The following MCM6 variants were observed in gnomAD, a reference collection of about 807,000 sequenced individuals.
The protein encoded by MCM6 is minichromosome maintenance complex component 6.
A neutral mutation model predicts 94.3 loss-of-function variants in MCM6; 46 were observed. The ratio of observed to expected loss-of-function variants is 0.49; its 90% CI spans 0.39 to 0.62. The LOEUF is 0.62. Ranked by LOEUF, MCM6 falls within the 20% of genes least tolerant of loss-of-function variation. The probability of loss-of-function intolerance (pLI) is 0.00; values close to 1 mark genes in which losing one functional copy is unlikely to be tolerated. For synonymous variants in MCM6, 335 were observed against 351.9 expected, an observed-to-expected ratio of 0.95 and a Z score of 0.54; for missense variants, 865 against 1,017.9, an observed-to-expected ratio of 0.85 and a Z score of 2.04.
chr2:135,856,530 A>T (rs964347926), intron 11 of MCM6, among the ~76,000 whole-genome samples, 198 bp downstream of exon 11: 3 of 152,228 alleles, frequency 2.0e-5, no homozygotes, highest in African/African-American at 7.2e-5. Flanking sequence ...TAATTCTTGA[A>T]CACAATTAAG....
In MCM6 at chr2:135,848,206, A is replaced by G. The variant is rs1256638909; in HGVS notation, c.1918-18T>C. 1 of 1,578,816 alleles carries G rather than the reference A, an allele frequency of 6.3e-7. No homozygotes were observed. The highest frequency in any genetic ancestry group is 8.7e-7 in the Non-Finnish European group (1 of 1,151,448). The stretch of plus-strand genomic sequence containing the variant: ...GGTTGGACCTAAACCAATAATGATG[A>G]AGTAATTAAGCTACTTTTTTTGATA... On this transcript the variant is annotated intron_variant, in intron 13 of 16. Coordinates refer to ENST00000264156, the MANE Select transcript of MCM6 (RefSeq NM_005915.6).
chr2:135,865,159 C>T lies in MCM6; in HGVS notation c.932G>A (p.Gly311Glu), dbSNP rs777176942. 1 of 1,517,184 alleles carries T rather than the reference C, an allele frequency of 6.6e-7. No individual in the cohort carries two copies. The highest frequency in any genetic ancestry group is 2.2e-5 in the Admixed American group (1 of 46,158). 94.0% of individuals were successfully genotyped at this position (1,517,184 alleles called of 1,614,324 possible). ...CCVAPTNPRF[G>E]GKELRDEEQT... Reference sequence around the variant, plus strand: ...TTCCTCATCTCTGAGCTCTTTCCCCCCAAACTAATGGTAGAGAACAAAGGA... The same window carrying T: ...TTCCTCATCTCTGAGCTCTTTCCCCTCAAACTAATGGTAGAGAACAAAGGA... Residue 311 changes from glycine to glutamate, a missense_variant, in exon 7 of 17, where the codon GGG (glycine) becomes GAG (glutamate). Physicochemically the swap from Gly to Glu is moderately conservative, Grantham distance 98 (BLOSUM62 -2). Transcript: ENST00000264156.
chr2:135,847,662 C>T (rs1050495876), intron 14 of MCM6, among the ~76,000 whole-genome samples: 2 of 152,300 alleles, frequency 1.3e-5, no homozygotes, highest in African/African-American at 4.8e-5. Context: ...CTCCCGGGTT[C>T]AAGTGATTCT....
chr2:135,861,405 G>A (rs1388834717), intron 8 of MCM6, among the ~76,000 whole-genome samples: 1 of 152,112 alleles, frequency 6.6e-6, no homozygotes, highest in African/African-American at 2.4e-5. Context: ...GGTGCTGCTA[G>A]AGTAAGACAT....
At chr2:135,859,726 C>A (rs139077381) in intron 8 of MCM6, among the ~76,000 whole-genome samples, 6 of 152,202 alleles carry the variant, frequency 3.9e-5, no homozygotes, top group African/African-American at 1.4e-4. Context: ...CCTCAGCCTC[C>A]CGAGTAGCTA....
At chr2:135,847,322 G>T (rs946182861) in intron 14 of MCM6, among the ~76,000 whole-genome samples, 2 of 152,256 alleles carry the variant, frequency 1.3e-5, no homozygotes, top group Admixed American at 1.3e-4. Context: ...AGGATAGGGA[G>T]AAGGACTGCT....
rs1575360834 is a variant in MCM6, at chr2:135,853,020, C to G, written c.1627-105G>C. The G allele has an allele frequency of 6.9e-6, 7 of 1,018,872 alleles. No homozygotes were observed. The East Asian group carries it at 1.4e-4, about 20-fold the overall frequency. 63.1% of individuals were successfully genotyped at this position (1,018,872 alleles called of 1,614,324 possible). ...ATCGCCAAAAACAAGCTCTAATATACCACTTAAAGAAGTATTAATGGGTAC... is the reference window on the plus strand; with the variant it reads ...ATCGCCAAAAACAAGCTCTAATATAGCACTTAAAGAAGTATTAATGGGTAC... On this transcript the variant is annotated intron_variant, in intron 11 of 16. Coordinates refer to ENST00000264156, the MANE Select transcript of MCM6 (RefSeq NM_005915.6).
chr2:135,842,017 A>G (rs1418263654), intron 16 of MCM6, among the ~76,000 whole-genome samples: 1 of 152,174 alleles, frequency 6.6e-6, no homozygotes, highest in South Asian at 2.1e-4. Flanking sequence ...AGATAAGAGA[A>G]TCATTTAAAC....
At position 135,866,142 on chromosome 2, in the gene MCM6, G is replaced by C. The variant is rs372422308; in HGVS notation, c.917C>G (p.Thr306Ser). The stretch of plus-strand genomic sequence containing the variant: ...CCCAAAACGACTGACCCTTGGGTTG[G>C]TTGGCGCAACACAGCAGGCAAGAAA... The part of the protein sequence containing the change: ...LVFLACCVAP[T>S]NPRFGGKELR... The change falls in exon 6 of 17, where the codon ACC becomes AGC. Residue 306 changes from threonine (T) to serine (S), a missense_variant. Thr to Ser is a moderately conservative substitution (Grantham distance 58). Around this residue, in one of 3 missense-constraint regions of MCM6, gnomAD observed 404 missense variants for 451.9 expected, o/e 0.89. Transcript: ENST00000264156. The C allele has an allele frequency of 1.9e-6, 3 of 1,613,950 alleles. No homozygotes were observed. In the African/African-American group the frequency reaches 4.0e-5, roughly 22 times the overall value.
chr2:135,859,605 GCTTTT>G (rs1679949730), intron 8 of MCM6, among the ~76,000 whole-genome samples, 163 bp from the exon 9 acceptor site: 2 of 151,692 alleles, frequency 1.3e-5, no homozygotes, highest in Admixed American at 6.6e-5. Context: ...CTCTCCCTCG[GCTTTT>G]CTTTTTTTTT....
intron 13 of MCM6, 122 bp from the exon 14 acceptor site, chr2:135,848,310 GTTGCT>G: frequency 1.6e-6 from 1 of 606,364 alleles, no homozygotes. Context: ...CTCTCACAGT[GTTGCT>G]TTGGTTTTCT....
intron 15 of MCM6, 27 bp downstream of exon 15, chr2:135,846,210 A>AT: frequency 6.2e-7 from 1 of 1,611,178 alleles, no homozygotes; most frequent in Non-Finnish European, 8.5e-7. Flanking sequence ...GTGACCGAGC[A>AT]TGTAAGCAGT....
Position 135,868,658 on chromosome 2 carries a change from T to G in MCM6, c.568A>C (p.Arg190=). 6.2e-7 allele frequency: 1 copy of G among 1,614,142 alleles called. No homozygotes were observed. The highest frequency in any genetic ancestry group is 1.1e-5 in the South Asian group (1 of 91,074). Residue 190 remains arginine (R), a synonymous_variant, in exon 4 of 17, where the codon AGA becomes CGA. Transcript: ENST00000264156. ...GATTTATTTGTATCCAGTAAGAATC[T>G]CCTCCTGTTGGCACAAACTGGATTT... is the stretch of plus-strand genomic sequence containing the variant. ...CRNPVCANRR[R]FLLDTNKSRF...
intron 11 of MCM6, 83 bp from the exon 12 acceptor site, chr2:135,852,998 G>A (rs754980990): frequency 2.2e-5 from 28 of 1,277,860 alleles, no homozygotes; most frequent in African/African-American, 1.1e-4. Flanking sequence ...ATGATTTATC[G>A]CCAAAAACAA....
chr2:135,854,561 A>AGG (rs145432617), intron 11 of MCM6, among the ~76,000 whole-genome samples: 17,941 of 134,736 alleles, frequency 0.13, 1,700 homozygotes, highest in Middle Eastern at 0.27. Flanking sequence ...AGAGAAAAAG[A>AGG]AAAAGAAAAA....
chr2:135,848,388 A>G (rs1679709389), intron 13 of MCM6, among the ~76,000 whole-genome samples, 200 bp from the exon 14 acceptor site: 1 of 152,188 alleles, frequency 6.6e-6, no homozygotes, highest in Non-Finnish European at 1.5e-5. Context: ...AATTCACCAG[A>G]ATGGCTAAAA....
intron 14 of MCM6, 57 bp downstream of exon 14, chr2:135,847,996 T>G: frequency 7.1e-7 from 1 of 1,414,722 alleles, no homozygotes; most frequent in Non-Finnish European, 9.9e-7. Flanking sequence ...CCACATGACA[T>G]CTCAGAAAAT....
Position 135,844,474 on chromosome 2 carries a change from G to C in MCM6, c.2349+71C>G, listed in dbSNP as rs111749572. The C allele has an allele frequency of 1.1e-4, 143 of 1,329,062 alleles. 1 individual carries two copies. In the African/African-American group the frequency reaches 1.9e-3, roughly 18 times the overall value. The allele number at this position is 1,329,062 out of a possible 1,614,324, so 82.3% of individuals were successfully genotyped here. A position where few individuals can be genotyped will look rare whatever the true frequency, so the allele number is the denominator to read the frequency against. On this transcript the variant is annotated intron_variant, in intron 16 of 16. Transcript: ENST00000264156. ...ACAAAGGTCAAAAAAAATTTCACTA[G>C]TGAACCTGCAGATACAGGGCATGAA...
chr2:135,850,954 C>G (rs1394933466), intron 13 of MCM6, among the ~76,000 whole-genome samples: 2 of 152,172 alleles, frequency 1.3e-5, no homozygotes, highest in Non-Finnish European at 2.9e-5. Context: ...TCGTACTACT[C>G]CCCTTTTACC....
Sources: gnomAD v4.1 joint callset for allele counts (sites outside exome capture counted in the v4.1 genomes callset) on GRCh38, gnomAD v4.1.1 for gene constraint, gnomAD v4.1.1 regional missense constraint, MANE v1.5 for transcripts, NCBI Gene and HGNC (gene_info 2026-07-23, HGNC 2026-07-21) for gene names.